The following PDLIM5 variants were observed in gnomAD, a reference collection of about 807,000 sequenced individuals.
PDLIM5 encodes PDZ and LIM domain 5, also known as PDZ and LIM domain protein 5.
In PDLIM5, 34 loss-of-function variants were observed where a neutral mutation model predicts 64.2. That is an observed-to-expected ratio of 0.53 (90% CI 0.40 to 0.71). PDLIM5 has a LOEUF of 0.71. PDLIM5 is among the 30% of genes least tolerant of loss of function. PDLIM5 has a pLI of 0.00. For missense variants in PDLIM5, 683 were observed against 733.6 expected, an observed-to-expected ratio of 0.93 and a Z score of 0.80; for synonymous variants, 253 against 269.1, an observed-to-expected ratio of 0.94 and a Z score of 0.59.
At position 94,654,488 on chromosome 4, in the gene PDLIM5, T is replaced by C. The variant is rs1036773201; in HGVS notation, c.1312T>C (p.Ser438Pro). The C allele has an allele frequency of 1.2e-6, 2 of 1,612,346 alleles. No individual in the cohort carries two copies. Among genetic ancestry groups the C allele is most frequent in the Admixed American group, 1.7e-5 (1 of 59,992 alleles). Residue 438 changes from serine (S) to proline (P), a missense_variant, in exon 10 of 13, where the codon TCT becomes CCT. Physicochemically the swap from Ser to Pro is moderately conservative, Grantham distance 74 (BLOSUM62 -1). Transcript: ENST00000317968. ...ACCATTCTTAGTGGCACTGGGGAAA[T>C]CTTGGCACCCAGAAGAATTCAACTG... is the stretch of plus-strand genomic sequence containing the variant. ...RGPFLVALGK[S>P]WHPEEFNCAH...
At chr4:94,611,119 G>A (rs779584340) in intron 7 of PDLIM5, 1 of 1,532,752 alleles carries the variant, frequency 6.5e-7, no homozygotes, top group South Asian at 1.2e-5. Context: ...CTTTGCATCA[G>A]CCCTGTCTCC....
intron 11 of PDLIM5, among the ~76,000 whole-genome samples, chr4:94,661,084 A>G (rs756632585): frequency 6.6e-6 from 1 of 152,062 alleles, no homozygotes; most frequent in Non-Finnish European, 1.5e-5. Context: ...ACTCTGTCTC[A>G]AAAAGACAAA....
At chr4:94,481,844 C>T (rs747853258) in intron 2 of PDLIM5, among the ~76,000 whole-genome samples, 2 of 151,958 alleles carry the variant, frequency 1.3e-5, no homozygotes, top group African/African-American at 2.4e-5. Flanking sequence ...CTCCTGACCT[C>T]GTTATCCACC....
intron 8 of PDLIM5, among the ~76,000 whole-genome samples, chr4:94,622,196 A>G (rs964090872): frequency 2.6e-5 from 4 of 152,078 alleles, no homozygotes; most frequent in Non-Finnish European, 5.9e-5. Context: ...TTAGATAAAT[A>G]GTTTCAAAAG....
intron 5 of PDLIM5, among the ~76,000 whole-genome samples, chr4:94,581,945 A>G (rs1195959178): frequency 6.6e-6 from 1 of 152,200 alleles, no homozygotes; most frequent in Non-Finnish European, 1.5e-5. Context: ...CACTGATAAT[A>G]CAGAGCTATG....
At chr4:94,609,573 G>T (rs17021906) in intron 7 of PDLIM5, among the ~76,000 whole-genome samples, 1 of 151,952 alleles carries the variant, frequency 6.6e-6, no homozygotes, top group Non-Finnish European at 1.5e-5. Flanking sequence ...GTTTATTTTC[G>T]CAAAGGTACT....
At chr4:94,583,186 A>C (rs1560719511) in intron 5 of PDLIM5, among the ~76,000 whole-genome samples, 1 of 152,082 alleles carries the variant, frequency 6.6e-6, no homozygotes, top group African/African-American at 2.4e-5. Flanking sequence ...GGAGTTTCAG[A>C]ACCAGAAAAC....
intron 2 of PDLIM5, among the ~76,000 whole-genome samples, chr4:94,501,512 A>C (rs1727917986): frequency 6.6e-6 from 1 of 152,190 alleles, no homozygotes; most frequent in South Asian, 2.1e-4. Flanking sequence ...AGAATTTAGA[A>C]ATTTTTATAG....
intron 2 of PDLIM5, among the ~76,000 whole-genome samples, chr4:94,459,194 G>T (rs932825531): frequency 6.6e-6 from 1 of 152,120 alleles, no homozygotes; most frequent in African/African-American, 2.4e-5. Flanking sequence ...CTTTTAAGTT[G>T]TTATATCCTA....
At chr4:94,573,309 A>T (rs1262704765) in intron 3 of PDLIM5, 42 bp from the exon 4 acceptor site, 1 of 1,543,086 alleles carries the variant, frequency 6.5e-7, no homozygotes, top group Non-Finnish European at 8.9e-7. Flanking sequence ...GTTTATAAAA[A>T]TTCATTATTT....
intron 9 of PDLIM5, among the ~76,000 whole-genome samples, chr4:94,652,809 T>G (rs188325908): frequency 1.2e-4 from 19 of 152,236 alleles, no homozygotes; most frequent in African/African-American, 4.6e-4. Flanking sequence ...ATCATGTTAT[T>G]AATAAGAAAC....
chr4:94,665,916 C>T lies in PDLIM5; in HGVS notation c.*1849C>T. 6.7e-7 allele frequency: 1 copy of T among 1,492,810 alleles called. No individual in the cohort carries two copies. The highest frequency in any genetic ancestry group is 8.9e-7 in the Non-Finnish European group (1 of 1,129,724). 92.5% of individuals were successfully genotyped at this position (1,492,810 alleles called of 1,614,324 possible). A position where few individuals can be genotyped will look rare whatever the true frequency, so the allele number is the denominator to read the frequency against. On this transcript the variant is annotated 3_prime_UTR_variant, in exon 13 of 13. Transcript: ENST00000317968. ...CTTTGGGAAAAGAATTATGTAGATACCACATGGAGACAGGGAAACAATTGT... is the reference window on the plus strand; with the variant it reads ...CTTTGGGAAAAGAATTATGTAGATATCACATGGAGACAGGGAAACAATTGT...
At chr4:94,603,509 G>A (rs1393019222) in intron 7 of PDLIM5, among the ~76,000 whole-genome samples, 1 of 152,110 alleles carries the variant, frequency 6.6e-6, no homozygotes, top group Non-Finnish European at 1.5e-5. Flanking sequence ...GGAAAACTGG[G>A]ACGTTGCCAA....
At chr4:94,647,815 C>G (rs1387965503) in intron 9 of PDLIM5, among the ~76,000 whole-genome samples, 2 of 152,082 alleles carry the variant, frequency 1.3e-5, no homozygotes, top group African/African-American at 4.8e-5. Flanking sequence ...AAAGTATGCT[C>G]TCTGACCAGA....
At chr4:94,534,800 T>C (rs1296274455) in intron 3 of PDLIM5, among the ~76,000 whole-genome samples, 5 of 152,186 alleles carry the variant, frequency 3.3e-5, no homozygotes, top group Non-Finnish European at 7.3e-5. Flanking sequence ...TGGGTGTGAC[T>C]GAGGGAAAGA....
At chr4:94,623,568 C>G (rs548863307) in intron 8 of PDLIM5, among the ~76,000 whole-genome samples, 1 of 152,022 alleles carries the variant, frequency 6.6e-6, no homozygotes, top group Non-Finnish European at 1.5e-5. Flanking sequence ...GTGTCTTTTA[C>G]GACTGTTTTT....
chr4:94,617,031 G>C (rs1043614251), intron 7 of PDLIM5, among the ~76,000 whole-genome samples: 1 of 152,240 alleles, frequency 6.6e-6, no homozygotes, highest in African/African-American at 2.4e-5. Context: ...TGATCTGCCA[G>C]CCTTGGCCTC....
chr4:94,518,091 G>A (rs1380304195), intron 2 of PDLIM5, among the ~76,000 whole-genome samples: 1 of 152,144 alleles, frequency 6.6e-6, no homozygotes, highest in Non-Finnish European at 1.5e-5. Flanking sequence ...AGACATTGGA[G>A]TCACTGTTGC....
intron 2 of PDLIM5, among the ~76,000 whole-genome samples, chr4:94,512,636 C>T (rs766810231): frequency 4.6e-5 from 7 of 150,788 alleles, no homozygotes; most frequent in African/African-American, 1.5e-4. Context: ...TTTTTCATAG[C>T]GTTGTTTGTC....
Sources: gnomAD v4.1 joint callset for allele counts (sites outside exome capture counted in the v4.1 genomes callset) on GRCh38, gnomAD v4.1.1 for gene constraint, MANE v1.5 for transcripts, NCBI Gene and HGNC (gene_info 2026-07-23, HGNC 2026-07-21) for gene names.